The following CNTNAP2 variants were observed in gnomAD, a reference collection of about 807,000 sequenced individuals.
CNTNAP2 encodes contactin-associated protein-like 2.
A neutral mutation model predicts 155.2 loss-of-function variants in CNTNAP2; 98 were observed. That is an observed-to-expected ratio of 0.63 (90% confidence interval 0.54 to 0.75). CNTNAP2 has a LOEUF of 0.75. CNTNAP2 is among the 30% of genes least tolerant of loss of function. The pLI is 0.00. For synonymous variants in CNTNAP2, 651 were observed against 631.2 expected (o/e 1.03, Z -0.47); for missense variants, 1,727 against 1,688.1 (o/e 1.02, Z -0.40).
intron 5 of CNTNAP2, among the ~76,000 whole-genome samples, chr7:147,117,031 A>G (rs527346349): frequency 6.6e-6 from 1 of 152,296 alleles, no homozygotes; most frequent in South Asian, 2.1e-4. Context: ...TGGCTGGCTG[A>G]AATTCCAAGC....
chr7:146,550,755 A>G (rs1337485700), intron 1 of CNTNAP2, among the ~76,000 whole-genome samples: 2 of 152,068 alleles, frequency 1.3e-5, no homozygotes, highest in Non-Finnish European at 2.9e-5. Flanking sequence ...ATCAGCATAG[A>G]GCCTGTATAT....
chr7:148,388,143 C>CT (rs1358042456), intron 22 of CNTNAP2, among the ~76,000 whole-genome samples: 4 of 152,106 alleles, frequency 2.6e-5, no homozygotes, highest in Non-Finnish European at 5.9e-5. Flanking sequence ...TCTTTTATTC[C>CT]TTTTTGTTTT....
intron 1 of CNTNAP2, among the ~76,000 whole-genome samples, chr7:146,710,373 G>A (rs530125946): frequency 3.9e-4 from 59 of 152,220 alleles, no homozygotes; most frequent in African/African-American, 1.4e-3. Context: ...TAGGACAAGA[G>A]GCCTGACTGT....
At chr7:147,930,613 A>G (rs955492798) in intron 14 of CNTNAP2, among the ~76,000 whole-genome samples, 25 of 152,218 alleles carry the variant, frequency 1.6e-4, no homozygotes, top group African/African-American at 6.0e-4. Context: ...AAGAAATACA[A>G]TATTAGAAGA....
chr7:146,217,835 C>G (rs772766815), intron 1 of CNTNAP2, among the ~76,000 whole-genome samples: 20 of 152,004 alleles, frequency 1.3e-4, no homozygotes, highest in Non-Finnish European at 2.6e-4. Flanking sequence ...ATGCATTTGT[C>G]AAAACATATT....
At chr7:147,601,203 A>G (rs1339285649) in intron 12 of CNTNAP2, among the ~76,000 whole-genome samples, 7 of 152,090 alleles carry the variant, frequency 4.6e-5, no homozygotes, top group Non-Finnish European at 8.8e-5. Flanking sequence ...CAGTATTTTC[A>G]CTGGCGTCCC....
intron 3 of CNTNAP2, among the ~76,000 whole-genome samples, chr7:146,852,353 G>A (rs1794895605): frequency 6.6e-6 from 1 of 151,936 alleles, no homozygotes; most frequent in Non-Finnish European, 1.5e-5. Context: ...TGAATCAAAC[G>A]ACTACTTATA....
chr7:147,491,674 G>C (rs1798612033), intron 11 of CNTNAP2, among the ~76,000 whole-genome samples: 1 of 152,148 alleles, frequency 6.6e-6, no homozygotes, highest in Non-Finnish European at 1.5e-5. Flanking sequence ...ATGTCAAAGA[G>C]TATCCAGAGC....
intron 1 of CNTNAP2, among the ~76,000 whole-genome samples, chr7:146,708,489 C>T (rs991830600): frequency 1.3e-5 from 2 of 148,786 alleles, no homozygotes; most frequent in African/African-American, 5.0e-5. Context: ...AGCTATTTAG[C>T]CTGAAATATT....
At chr7:147,841,209 T>C (rs1303993281) in intron 13 of CNTNAP2, among the ~76,000 whole-genome samples, 1 of 152,224 alleles carries the variant, frequency 6.6e-6, no homozygotes, top group Non-Finnish European at 1.5e-5. Context: ...ATTTCTTTGC[T>C]TTATTTTCTG....
chr7:147,907,508 G>A (rs1323131388), intron 14 of CNTNAP2, among the ~76,000 whole-genome samples: 1 of 152,136 alleles, frequency 6.6e-6, no homozygotes, highest in Non-Finnish European at 1.5e-5. Context: ...ATTTGGGAGT[G>A]GATGGGGTTG....
intron 1 of CNTNAP2, among the ~76,000 whole-genome samples, chr7:146,431,547 G>A (rs977800760): frequency 3.3e-5 from 5 of 151,946 alleles, no homozygotes; most frequent in Admixed American, 6.6e-5. Flanking sequence ...TGTGAAGAGC[G>A]TACTATTTGC....
intron 3 of CNTNAP2, among the ~76,000 whole-genome samples, chr7:146,927,308 A>G (rs1327400770): frequency 2.6e-5 from 4 of 152,092 alleles, no homozygotes; most frequent in African/African-American, 2.4e-5. Flanking sequence ...TGAAAACTGT[A>G]TTTGCTGAAA....
At chr7:147,776,146 T>A (rs182203227) in intron 13 of CNTNAP2, among the ~76,000 whole-genome samples, 37 of 152,200 alleles carry the variant, frequency 2.4e-4, no homozygotes, top group Admixed American at 9.2e-4. Flanking sequence ...GTTTAGGAAG[T>A]GATTTAAAAC....
At chr7:147,692,462 G>T (rs1796101238) in intron 13 of CNTNAP2, among the ~76,000 whole-genome samples, 1 of 152,056 alleles carries the variant, frequency 6.6e-6, no homozygotes, top group South Asian at 2.1e-4. Context: ...ATACCATTTT[G>T]CATTTTCACC....
intron 1 of CNTNAP2, among the ~76,000 whole-genome samples, chr7:146,153,426 A>G (rs1166020754): frequency 6.6e-6 from 1 of 152,100 alleles, no homozygotes; most frequent in African/African-American, 2.4e-5. Context: ...GTCTGACTGT[A>G]TTGTTGTTTA....
chr7:147,136,119 AG>A (rs1231405871), intron 8 of CNTNAP2, among the ~76,000 whole-genome samples: 1 of 151,854 alleles, frequency 6.6e-6, no homozygotes, highest in Non-Finnish European at 1.5e-5. Context: ...AACAATACTC[AG>A]TTGTCGTCTG....
intron 14 of CNTNAP2, among the ~76,000 whole-genome samples, chr7:147,947,150 A>C (rs1239911167): frequency 2.6e-5 from 4 of 152,148 alleles, no homozygotes; most frequent in Non-Finnish European, 5.9e-5. Flanking sequence ...CCTCCCAGGT[A>C]ATCTCTTGGA....
chr7:147,366,777 GCACGCACACACACACACA>G (rs1384830291), intron 9 of CNTNAP2, among the ~76,000 whole-genome samples: 7 of 56,926 alleles, frequency 1.2e-4, no homozygotes, highest in Non-Finnish European at 2.0e-4. Flanking sequence ...CGAATTTGTT[GCACGCACACACACACACA>G]CACACACACA....
Sources: gnomAD v4.1 joint callset for allele counts (sites outside exome capture counted in the v4.1 genomes callset) on GRCh38, gnomAD v4.1.1 for gene constraint, MANE v1.5 for transcripts, NCBI Gene and HGNC (gene_info 2026-07-23, HGNC 2026-07-21) for gene names.